Variants in MACROD2 observed in about 807,000 individuals in gnomAD.
MACROD2 encodes ADP-ribose glycohydrolase MACROD2.
Under a neutral mutation model 70.4 loss-of-function variants are expected in MACROD2, and 36 were observed. That is an observed-to-expected ratio of 0.51 (90% CI 0.39 to 0.68). MACROD2 has a LOEUF of 0.68. Among genes scored for constraint, MACROD2 ranks in the 30% least tolerant of loss-of-function variants. The pLI, the probability that MACROD2 is intolerant of heterozygous loss-of-function variation, is 0.00. For synonymous variants in MACROD2, 172 were observed against 178.8 expected, an observed-to-expected ratio of 0.96 and a Z score of 0.30; for missense variants, 496 against 538.4, an observed-to-expected ratio of 0.92 and a Z score of 0.78.
rs925495223 is a variant in MACROD2 at position 16,051,801 on chromosome 20, C to T, written c.*1925C>T. 3 of 152,102 alleles carry T rather than the reference C, an allele frequency of 2.0e-5. No homozygotes were observed. The highest frequency in any genetic ancestry group is 4.4e-5 in the Non-Finnish European group (3 of 68,042). The allele number at this position is 152,102 out of a possible 1,614,324, so 9.4% of individuals were successfully genotyped here. On this transcript the variant is annotated 3_prime_UTR_variant, in exon 18 of 18. Transcript: ENST00000684519. The stretch of plus-strand genomic sequence containing the variant: ...AGAAGCTCGTTTTTCTTGTGACTCC[C>T]AAATGTTAGTGCTACTTAGCCTCAG...
intron 5 of MACROD2, among the ~76,000 whole-genome samples, chr20:15,216,375 G>T (rs935534254): frequency 8.6e-5 from 13 of 151,592 alleles, no homozygotes; most frequent in Non-Finnish European, 1.2e-4. Context: ...ACTGAGAAAA[G>T]AATTTCAAGG....
At chr20:14,542,551 G>A (rs2085447392) in intron 4 of MACROD2, among the ~76,000 whole-genome samples, 1 of 152,120 alleles carries the variant, frequency 6.6e-6, no homozygotes, top group Admixed American at 6.6e-5. Context: ...GCATTTCATT[G>A]TATGTAAATG....
At chr20:14,298,953 G>A (rs1717719289) in intron 3 of MACROD2, among the ~76,000 whole-genome samples, 2 of 152,186 alleles carry the variant, frequency 1.3e-5, no homozygotes, top group South Asian at 4.1e-4. Flanking sequence ...GTGGTTTCTT[G>A]AGATAGAATC....
rs370615058 is a variant in MACROD2, at chr20:15,881,986, CTCA to C, written c.728-3776_728-3774del. On this transcript the variant is annotated intron_variant, in intron 9 of 17. Transcript: ENST00000684519. ...AGCAATAATCAGTATTTATTGAATG[CTCA>C]TTCTGTGTAAGCACTTGACATATAA... Among the ~76,000 whole-genome samples, 591 of 152,162 alleles carry C rather than the reference CTCA, an allele frequency of 3.9e-3. 5 individuals are homozygous for C. Among genetic ancestry groups the C allele is most frequent in the African/African-American group, 0.013 (554 of 41,540 alleles).
chr20:14,464,403 C>A (rs1180254189), intron 3 of MACROD2, among the ~76,000 whole-genome samples: 1 of 151,990 alleles, frequency 6.6e-6, no homozygotes. Context: ...TTTTTTATTG[C>A]ATCTATTTGA....
At chr20:14,253,840 A>G (rs1005631152) in intron 3 of MACROD2, among the ~76,000 whole-genome samples, 17 of 152,128 alleles carry the variant, frequency 1.1e-4, no homozygotes, top group African/African-American at 3.6e-4. Context: ...TTACTGTGAG[A>G]TACAGACGTG....
In MACROD2 at chr20:16,033,857, T is replaced by TGCGG. The variant is rs142080085; in HGVS notation, c.1154-7343_1154-7342insCGGG. On this transcript the variant is annotated intron_variant, in intron 15 of 17. Coordinates refer to ENST00000684519, the MANE Select transcript of MACROD2 (RefSeq NM_001351661.2). ...GTTCAGAACCTATCACAGTAGGGGG[T>TGCGG]GGGGTGGGGGAGAAAGAGAAAGGGA... 1.3e-3 allele frequency among the ~76,000 whole-genome samples: 179 copies of TGCGG among 140,796 alleles called. 2 individuals carry two copies. Among genetic ancestry groups the TGCGG allele is most frequent in the East Asian group, 7.6e-3 (34 of 4,476 alleles). The allele number at this position is 140,796 out of a possible 152,430, so 92.4% of individuals were successfully genotyped here. A position where few individuals can be genotyped will look rare whatever the true frequency, so the allele number is the denominator to read the frequency against.
intron 5 of MACROD2, among the ~76,000 whole-genome samples, chr20:14,747,061 A>G (rs2071808521): frequency 6.6e-6 from 1 of 152,196 alleles, no homozygotes; most frequent in South Asian, 2.1e-4. Context: ...AACCCATCAT[A>G]TGTCCAGTCC....
At chr20:14,892,029 C>A (rs1435779044) in intron 5 of MACROD2, among the ~76,000 whole-genome samples, 1 of 152,102 alleles carries the variant, frequency 6.6e-6, no homozygotes, top group Non-Finnish European at 1.5e-5. Flanking sequence ...TTAGAGTATT[C>A]TATCATGTGA....
intron 2 of MACROD2, among the ~76,000 whole-genome samples, chr20:14,011,218 C>T (rs1398850124): frequency 6.6e-6 from 1 of 152,202 alleles, no homozygotes; most frequent in African/African-American, 2.4e-5. Context: ...CAGTCCCTTA[C>T]TGGCAAGGTG....
chr20:16,032,508 CAAGGAAGA>C (rs1181425915), intron 15 of MACROD2, among the ~76,000 whole-genome samples: 2 of 150,170 alleles, frequency 1.3e-5, no homozygotes, highest in South Asian at 2.1e-4. Context: ...GTCTTAAATT[CAAGGAAGA>C]AAGGAAGAAA....
intron 5 of MACROD2, among the ~76,000 whole-genome samples, chr20:14,903,971 C>T (rs1362280495): frequency 6.6e-6 from 1 of 152,102 alleles, no homozygotes; most frequent in African/African-American, 2.4e-5. Flanking sequence ...AACTGCAGGG[C>T]AGACTAGAAA....
chr20:15,607,080 C>G (rs1475813599), intron 8 of MACROD2, among the ~76,000 whole-genome samples: 1 of 151,602 alleles, frequency 6.6e-6, no homozygotes, highest in Non-Finnish European at 1.5e-5. Context: ...CTTTGGGAGG[C>G]CAAGGAGGGA....
At chr20:15,387,941 G>C (rs1600335961) in intron 6 of MACROD2, among the ~76,000 whole-genome samples, 1 of 151,734 alleles carries the variant, frequency 6.6e-6, no homozygotes, top group Admixed American at 6.6e-5. Context: ...TGTAGAGACA[G>C]GGTCTCCCTA....
intron 5 of MACROD2, among the ~76,000 whole-genome samples, chr20:14,841,868 A>G (rs1452148814): frequency 6.6e-6 from 1 of 152,078 alleles, no homozygotes; most frequent in East Asian, 1.9e-4. Context: ...TTTGGGTACT[A>G]TAGAGTAGAG....
intron 8 of MACROD2, among the ~76,000 whole-genome samples, chr20:15,832,356 C>T (rs143625062): frequency 1.4e-4 from 21 of 152,158 alleles, no homozygotes; most frequent in African/African-American, 3.9e-4. Flanking sequence ...AGAAGACAGC[C>T]AAGTGGGAGA....
At chr20:14,785,824 C>A (rs1329163706) in intron 5 of MACROD2, among the ~76,000 whole-genome samples, 1 of 152,016 alleles carries the variant, frequency 6.6e-6, no homozygotes, top group African/African-American at 2.4e-5. Context: ...CTTCCATCTT[C>A]AGTGTTGCCT....
chr20:14,926,989 C>G (rs2074240743), intron 5 of MACROD2, among the ~76,000 whole-genome samples: 1 of 152,128 alleles, frequency 6.6e-6, no homozygotes, highest in Admixed American at 6.5e-5. Flanking sequence ...ATACATCCAC[C>G]TTATTGTCAG....
At chr20:15,561,802 C>T (rs1039098314) in intron 8 of MACROD2, among the ~76,000 whole-genome samples, 6 of 151,894 alleles carry the variant, frequency 4.0e-5, no homozygotes, top group Non-Finnish European at 5.9e-5. Flanking sequence ...TGGGGCGTGC[C>T]GAGGGAATTA....
Sources: gnomAD v4.1 joint callset for allele counts (sites outside exome capture counted in the v4.1 genomes callset) on GRCh38, gnomAD v4.1.1 for gene constraint, MANE v1.5 for transcripts, NCBI Gene and HGNC (gene_info 2026-07-23, HGNC 2026-07-21) for gene names.